The following FBXL7 variants were observed in gnomAD, a reference collection of about 807,000 sequenced individuals.
The protein encoded by FBXL7 is F-box and leucine rich repeat protein 7, also known as F-box/LRR-repeat protein 7.
FBXL7 carries 12 observed loss-of-function variants against 38.3 expected under a neutral mutation model. The ratio of observed to expected loss-of-function variants is 0.31; its 90% CI spans 0.20 to 0.51. FBXL7 has a LOEUF of 0.51. FBXL7 is among the 20% of genes least tolerant of loss of function. The probability of loss-of-function intolerance (pLI) is 0.98; values close to 1 mark genes in which losing one functional copy is unlikely to be tolerated. For missense variants in FBXL7, 567 were observed against 676.4 expected (o/e 0.84, Z 1.79); for synonymous variants, 297 against 300.9 (o/e 0.99, Z 0.13).
chr5:15,594,855 TTC>T (rs1739580278), intron 1 of FBXL7, among the ~76,000 whole-genome samples: 1 of 152,240 alleles, frequency 6.6e-6, no homozygotes, highest in Non-Finnish European at 1.5e-5. Flanking sequence ...TTCTCTCTGA[TTC>T]TCTGTGTGTC....
chr5:15,867,370 A>G (rs1007005620), intron 2 of FBXL7, among the ~76,000 whole-genome samples: 3 of 152,182 alleles, frequency 2.0e-5, no homozygotes, highest in African/African-American at 7.2e-5. Flanking sequence ...CGTCCTACAG[A>G]AAGCCTGTCT....
At chr5:15,533,333 G>T (rs973949256) in intron 1 of FBXL7, among the ~76,000 whole-genome samples, 7 of 152,192 alleles carry the variant, frequency 4.6e-5, no homozygotes, top group African/African-American at 1.7e-4. Flanking sequence ...TTCTTATTTG[G>T]GCTCCATAGA....
chr5:15,810,910 T>C (rs983047446), intron 2 of FBXL7, among the ~76,000 whole-genome samples: 3 of 152,154 alleles, frequency 2.0e-5, no homozygotes, highest in Non-Finnish European at 4.4e-5. Context: ...AAGTAAATAA[T>C]CAAAGAAAAT....
intron 2 of FBXL7, among the ~76,000 whole-genome samples, chr5:15,711,665 A>G (rs1030033469): frequency 6.6e-6 from 1 of 152,110 alleles, no homozygotes; most frequent in Non-Finnish European, 1.5e-5. Flanking sequence ...CATCCCTACA[A>G]TGGGGGTTTG....
chr5:15,933,931 G>A (rs1742107789), intron 3 of FBXL7, among the ~76,000 whole-genome samples: 1 of 152,210 alleles, frequency 6.6e-6, no homozygotes, highest in Non-Finnish European at 1.5e-5. Context: ...AGCCTCGGTA[G>A]TAGAATGAAA....
rs778238272 is a variant in FBXL7, at chr5:15,500,656, G to C, written c.-21G>C. 1.9e-6 allele frequency: 3 copies of C among 1,613,402 alleles called. No homozygotes were observed. The highest frequency in any genetic ancestry group is 2.5e-6 in the Non-Finnish European group (3 of 1,179,562). On this transcript the variant is annotated 5_prime_UTR_variant, in exon 1 of 4. Coordinates refer to ENST00000504595, the MANE Select transcript of FBXL7 (RefSeq NM_012304.5). ...GCAGCTATGGAGTGTCCCGGGAGAC[G>C]GCGGGCATGACGGCTACAGGATGGG...
chr5:15,782,063 T>C (rs1737007972), intron 2 of FBXL7, among the ~76,000 whole-genome samples: 2 of 152,120 alleles, frequency 1.3e-5, no homozygotes, highest in Non-Finnish European at 2.9e-5. Context: ...CTCCCACTTA[T>C]TAGTGAAAAC....
intron 2 of FBXL7, among the ~76,000 whole-genome samples, chr5:15,631,508 C>T (rs1348090606): frequency 1.3e-5 from 2 of 151,546 alleles, no homozygotes; most frequent in African/African-American, 2.4e-5. Context: ...CCAGACTGAC[C>T]AACATGGTGA....
intron 2 of FBXL7, among the ~76,000 whole-genome samples, chr5:15,681,867 T>G (rs187357566): frequency 3.2e-4 from 48 of 152,326 alleles, no homozygotes; most frequent in African/African-American, 1.1e-3. Flanking sequence ...TTTTATTTTT[T>G]GAAGAGTGGA....
intron 1 of FBXL7, among the ~76,000 whole-genome samples, chr5:15,507,596 G>T (rs181882543): frequency 3.9e-5 from 6 of 152,304 alleles, no homozygotes; most frequent in Non-Finnish European, 5.9e-5. Flanking sequence ...TGCATTTTAA[G>T]ATGGCCTTAG....
intron 2 of FBXL7, among the ~76,000 whole-genome samples, chr5:15,661,224 A>G (rs1742056879): frequency 1.3e-5 from 2 of 152,158 alleles, no homozygotes; most frequent in South Asian, 4.1e-4. Flanking sequence ...GTGTATAGAA[A>G]CACAGTTGAA....
intron 2 of FBXL7, among the ~76,000 whole-genome samples, chr5:15,879,630 G>A (rs1358214220): frequency 2.6e-5 from 4 of 152,124 alleles, no homozygotes; most frequent in Non-Finnish European, 4.4e-5. Context: ...TCATCCTTGT[G>A]ACAGATGGCT....
At chr5:15,713,509 CA>C (rs1398631515) in intron 2 of FBXL7, among the ~76,000 whole-genome samples, 1 of 152,154 alleles carries the variant, frequency 6.6e-6, no homozygotes, top group African/African-American at 2.4e-5. Flanking sequence ...TCCCTATCAT[CA>C]AAACACATAC....
intron 2 of FBXL7, among the ~76,000 whole-genome samples, chr5:15,657,498 A>G (rs780869146): frequency 3.9e-4 from 60 of 152,324 alleles, no homozygotes; most frequent in Non-Finnish European, 4.7e-4. Context: ...TTATTCAGTT[A>G]ATGAAATTGA....
At position 15,564,410 on chromosome 5, in the gene FBXL7, GTGTGTA is replaced by G. The variant is rs1279685594; in HGVS notation, c.38-51565_38-51560del. ...TGTGTGTGTGTGTGTGTGTGTGTGT[GTGTGTA>G]TGTGTATACAATATGTTTAGTCAAC... On this transcript the variant is annotated intron_variant, in intron 1 of 3. Transcript: ENST00000504595. Among the ~76,000 whole-genome samples the G allele has an allele frequency of 2.0e-3, 293 of 148,606 alleles. 3 individuals carry two copies. Among genetic ancestry groups the G allele is most frequent in the African/African-American group, 6.7e-3 (268 of 39,784 alleles).
At chr5:15,882,542 ATTC>A (rs1267781047) in intron 2 of FBXL7, among the ~76,000 whole-genome samples, 1 of 152,216 alleles carries the variant, frequency 6.6e-6, no homozygotes, top group African/African-American at 2.4e-5. Context: ...CACCTTCCCC[ATTC>A]TTCTTACACA....
rs534612054 is a variant in FBXL7, at chr5:15,811,668, G to A, written c.128-116222G>A. Among the ~76,000 whole-genome samples the A allele has an allele frequency of 5.3e-5, 8 of 152,094 alleles. No individual in the cohort carries two copies. The South Asian group carries it at 1.7e-3, about 32-fold the overall frequency. On this transcript the variant is annotated intron_variant, in intron 2 of 3. Coordinates refer to ENST00000504595, the MANE Select transcript of FBXL7 (RefSeq NM_012304.5). ...AGAAAAAAAATGACCCCATCGAAAA[G>A]TGGGCAAAGGACATGAGCAGACACT...
intron 2 of FBXL7, among the ~76,000 whole-genome samples, chr5:15,617,571 C>T (rs1041395999): frequency 6.6e-6 from 1 of 152,126 alleles, no homozygotes; most frequent in Non-Finnish European, 1.5e-5. Context: ...AAGTGATTCT[C>T]CTGCCTACAG....
chr5:15,676,446 T>C (rs1390689295), intron 2 of FBXL7, among the ~76,000 whole-genome samples: 3 of 152,356 alleles, frequency 2.0e-5, no homozygotes, highest in East Asian at 1.9e-4. Context: ...GCAGAAAATA[T>C]GGTTATGCCT....
Sources: gnomAD v4.1 joint callset for allele counts (sites outside exome capture counted in the v4.1 genomes callset) on GRCh38, gnomAD v4.1.1 for gene constraint, MANE v1.5 for transcripts, NCBI Gene and HGNC (gene_info 2026-07-23, HGNC 2026-07-21) for gene names.